DHX36: variants seen among roughly 807,000 people sequenced by gnomAD.
DHX36 encodes ATP-dependent DNA/RNA helicase DHX36.
Under a neutral mutation model 139.0 loss-of-function variants are expected in DHX36, and 50 were observed. The observed-to-expected ratio is 0.36, with a 90% CI of 0.29 to 0.46. The LOEUF is 0.46. Among genes scored for constraint, DHX36 ranks in the 20% least tolerant of loss-of-function variants. The probability of loss-of-function intolerance (pLI) is 1.00; values close to 1 mark genes in which losing one functional copy is unlikely to be tolerated. For missense variants in DHX36, 1,024 were observed against 1,211.3 expected, an observed-to-expected ratio of 0.85 and a Z score of 2.29; for synonymous variants, 425 against 401.9, an observed-to-expected ratio of 1.06 and a Z score of -0.69.
Position 154,311,652 on chromosome 3 carries a change from G to A in DHX36, c.626C>T (p.Ser209Leu), listed in dbSNP as rs777610388. ...GCACTTTACCTTTTGCATTCCATACGAAGGCAGCTTTTCTCTGAAATGCTG... is the reference window on the plus strand; with the variant it reads ...GCACTTTACCTTTTGCATTCCATACAAAGGCAGCTTTTCTCTGAAATGCTG... Reference protein sequence around the residue: ...EMQHFREKLPSYGMQKELVNL... With the variant: ...EMQHFREKLPLYGMQKELVNL... Residue 209 changes from serine (S) to leucine (L), a missense_variant, in exon 4 of 25, where the codon TCG becomes TTG. Ser to Leu is a moderately radical substitution (Grantham distance 145). Coordinates refer to ENST00000496811, the MANE Select transcript of DHX36 (RefSeq NM_020865.3). The A allele has an allele frequency of 5.6e-6, 9 of 1,596,926 alleles. No homozygotes were observed. The highest frequency in any genetic ancestry group is 2.3e-5 in the South Asian group (2 of 86,932).
chr3:154,284,373 G>T (rs1711501123), intron 19 of DHX36, among the ~76,000 whole-genome samples: 1 of 151,754 alleles, frequency 6.6e-6, no homozygotes, highest in African/African-American at 2.4e-5. Context: ...TAGAGACAGG[G>T]TTTCGCCATG....
chr3:154,300,895 A>T, intron 10 of DHX36, 92 bp downstream of exon 10: 1 of 1,524,612 alleles, frequency 6.6e-7, no homozygotes. Context: ...GCTCTCCTTT[A>T]AGTACGTACA....
chr3:154,287,800 G>T (rs991829411), intron 17 of DHX36, among the ~76,000 whole-genome samples: 4 of 151,988 alleles, frequency 2.6e-5, no homozygotes, highest in African/African-American at 9.7e-5. Context: ...CAACCTAACA[G>T]AAGACACTAG....
In DHX36 at chr3:154,300,584, T is replaced by C; in HGVS notation, c.1461+10A>G. ...ATTATGTTAACTGAAGAAAGAAAAA[T>C]AAAACTAACCTCTTCTTCCAAAACA... On this transcript the variant is annotated intron_variant, in intron 11 of 24. Transcript: ENST00000496811. The C allele has an allele frequency of 6.2e-7, 1 of 1,602,212 alleles. No homozygotes were observed. Among genetic ancestry groups the C allele is most frequent in the Non-Finnish European group, 8.5e-7 (1 of 1,173,006 alleles).
At chr3:154,277,146 T>C (rs1576852795) in intron 23 of DHX36, among the ~76,000 whole-genome samples, 1 of 152,156 alleles carries the variant, frequency 6.6e-6, no homozygotes, top group East Asian at 1.9e-4. Flanking sequence ...ATTTTCTGAG[T>C]GACAAAAGCA....
At chr3:154,310,728 G>A (rs1235975865) in intron 4 of DHX36, among the ~76,000 whole-genome samples, 13 of 128,646 alleles carry the variant, frequency 1.0e-4, no homozygotes, top group African/African-American at 3.3e-4. Flanking sequence ...GCAGTAAGCC[G>A]AGATTGCGCC....
rs1413177164 is a variant in DHX36, at chr3:154,300,645, A to C, written c.1410T>G (p.Val470=). 1.4e-5 allele frequency: 22 copies of C among 1,613,820 alleles called. No individual in the cohort carries two copies. The Admixed American group carries it at 3.5e-4, about 26-fold the overall frequency. Reference sequence around the variant, plus strand: ...TGAGGGCAACAATCAAATTCAGATCAACTTTATCATCCTCCATCATTTCTA... The same window carrying C: ...TGAGGGCAACAATCAAATTCAGATCCACTTTATCATCCTCCATCATTTCTA... The part of the protein sequence containing the change: ...DVIEMMEDDK[V]DLNLIVALIR... Residue 470 remains valine, a synonymous_variant, in exon 11 of 25, where the codon GTT becomes GTG. Coordinates refer to ENST00000496811, the MANE Select transcript of DHX36 (RefSeq NM_020865.3).
intron 23 of DHX36, 74 bp from the exon 24 acceptor site, chr3:154,276,973 C>T: frequency 7.8e-7 from 1 of 1,277,184 alleles, no homozygotes; most frequent in Non-Finnish European, 1.1e-6. Context: ...AACAATATTA[C>T]CAGTATTAAT....
At chr3:154,312,802 T>TGGGTGACA (rs1337758698) in intron 3 of DHX36, among the ~76,000 whole-genome samples, 1 of 137,654 alleles carries the variant, frequency 7.3e-6, no homozygotes, top group Non-Finnish European at 1.5e-5. Context: ...CACTCCAGCC[T>TGGGTGACA]GGGTGACAGA....
rs371002609 is a variant in DHX36, at chr3:154,280,673, T to G, written c.2477-4A>C. 3 of 1,611,868 alleles carry G rather than the reference T, an allele frequency of 1.9e-6. No individual in the cohort carries two copies. In the Admixed American group the frequency reaches 5.0e-5, roughly 27 times the overall value. On this transcript the variant is annotated splice_region_variant and splice_polypyrimidine_tract_variant and intron_variant, in intron 21 of 24. Transcript: ENST00000496811. ...GCTTTAATTATCTTCTCATTATCTA[T>G]GGGGGGTGAGAAGGTAGAGGGGAAA...
chr3:154,277,717 C>T lies in DHX36; in HGVS notation c.2569G>A (p.Val857Ile). ...CCATCGGTTTTTGTGTAAACTTTTA[C>T]CCTTTAAAAAAAGTTAAAATGCAGT... ...RLNLGKKRKMVKVYTKTDGLV... is the reference protein window; with the variant it reads ...RLNLGKKRKMIKVYTKTDGLV... The change falls in exon 23 of 25, where the codon GTA becomes ATA. Residue 857 changes from valine to isoleucine, a missense_variant and splice_region_variant. Physicochemically the swap from Val to Ile is conservative, Grantham distance 29 (BLOSUM62 3). Around this residue, in one of 4 missense-constraint regions of DHX36, gnomAD observed 470 missense variants for 616.2 expected, o/e 0.76. Transcript: ENST00000496811. The T allele has an allele frequency of 6.3e-7, 1 of 1,595,046 alleles. No homozygotes were observed. The highest frequency in any genetic ancestry group is 1.1e-5 in the South Asian group (1 of 87,250).
At chr3:154,302,142 A>C (rs1411620654) in intron 9 of DHX36, among the ~76,000 whole-genome samples, 1 of 152,218 alleles carries the variant, frequency 6.6e-6, no homozygotes, top group African/African-American at 2.4e-5. Context: ...TGAAGAACAT[A>C]GTACCAAAAG....
chr3:154,285,994 T>G (rs1711538530), intron 17 of DHX36, among the ~76,000 whole-genome samples: 1 of 151,642 alleles, frequency 6.6e-6, no homozygotes, highest in South Asian at 2.1e-4. Flanking sequence ...AGGTTTACTC[T>G]AAAAAGAAAA....
intron 5 of DHX36, among the ~76,000 whole-genome samples, chr3:154,308,550 G>A (rs549583950): frequency 1.1e-4 from 17 of 152,154 alleles, no homozygotes; most frequent in Admixed American, 7.9e-4. Flanking sequence ...AAACGATGAC[G>A]ACAACAAAAT....
intron 12 of DHX36, among the ~76,000 whole-genome samples, 171 bp from the exon 13 acceptor site, chr3:154,295,510 G>A (rs183530871): frequency 1.4e-4 from 21 of 152,260 alleles, no homozygotes; most frequent in African/African-American, 4.8e-4. Flanking sequence ...AACTGCCCAT[G>A]TGTTTAAGTG....
Position 154,280,674 on chromosome 3 carries a change from G to C in DHX36, c.2477-5C>G. On this transcript the variant is annotated splice_region_variant and splice_polypyrimidine_tract_variant and intron_variant, in intron 21 of 24. Coordinates refer to ENST00000496811, the MANE Select transcript of DHX36 (RefSeq NM_020865.3). ...CTTTAATTATCTTCTCATTATCTAT[G>C]GGGGGTGAGAAGGTAGAGGGGAAAA... 1 of 1,609,706 alleles carries C rather than the reference G, an allele frequency of 6.2e-7. No individual in the cohort carries two copies.
intron 9 of DHX36, among the ~76,000 whole-genome samples, chr3:154,302,674 G>A (rs1306252973): frequency 6.6e-6 from 1 of 152,088 alleles, no homozygotes. Flanking sequence ...TTAAAGGTTC[G>A]GCAATGGAAG....
At chr3:154,291,191 A>G (rs1277685818) in intron 15 of DHX36, among the ~76,000 whole-genome samples, 1 of 150,624 alleles carries the variant, frequency 6.6e-6, no homozygotes, top group Non-Finnish European at 1.5e-5. Flanking sequence ...CACATACTAT[A>G]GCTTTTTCTG....
chr3:154,292,713 T>A lies in DHX36; in HGVS notation c.1671-19A>T, dbSNP rs377568626. ...GGTAATGCTGTTTGGAAAACAGATA[T>A]ATAAAATGTTAAAACACACACACAC... On this transcript the variant is annotated intron_variant, in intron 14 of 24. Transcript: ENST00000496811. 2 of 1,600,388 alleles carry A rather than the reference T, an allele frequency of 1.2e-6. No individual in the cohort carries two copies. The highest frequency in any genetic ancestry group is 4.5e-5 in the East Asian group (2 of 44,288).
Sources: gnomAD v4.1 joint callset for allele counts (sites outside exome capture counted in the v4.1 genomes callset) on GRCh38, gnomAD v4.1.1 for gene constraint, gnomAD v4.1.1 regional missense constraint, MANE v1.5 for transcripts, NCBI Gene and HGNC (gene_info 2026-07-23, HGNC 2026-07-21) for gene names.